Variants in RYR3 observed in about 807,000 individuals in gnomAD.
RYR3 encodes the protein brain ryanodine receptor-calcium release channel.
RYR3 carries 207 observed loss-of-function variants against 584.3 expected under a neutral mutation model. The ratio of observed to expected loss-of-function variants is 0.35; its 90% CI spans 0.32 to 0.40. RYR3 has a LOEUF of 0.40. Among genes scored for constraint, RYR3 ranks in the 10% least tolerant of loss-of-function variants. The pLI, the probability that RYR3 is intolerant of heterozygous loss-of-function variation, is 1.00. For missense variants in RYR3, 5,616 were observed against 6,089.2 expected (o/e 0.92, Z 2.59); for synonymous variants, 2,416 against 2,248.5 (o/e 1.07, Z -2.11).
At chr15:33,561,406 C>T (rs2057392557) in intron 10 of RYR3, among the ~76,000 whole-genome samples, 1 of 152,160 alleles carries the variant, frequency 6.6e-6, no homozygotes, top group Non-Finnish European at 1.5e-5. Context: ...AGTGCAGACT[C>T]TGGAGCTGGA....
chr15:33,563,410 A>G (rs2057522724), intron 11 of RYR3, among the ~76,000 whole-genome samples: 1 of 152,258 alleles, frequency 6.6e-6, no homozygotes, highest in Non-Finnish European at 1.5e-5. Context: ...TGCAGATTGC[A>G]TAATAACAAG....
At chr15:33,778,906 A>G (rs1399665034) in intron 64 of RYR3, among the ~76,000 whole-genome samples, 1 of 152,228 alleles carries the variant, frequency 6.6e-6, no homozygotes, top group Admixed American at 6.5e-5. Context: ...AATGCTTCAT[A>G]GCCAAGTAGG....
rs188980632 is a variant in RYR3, at chr15:33,548,883, C to T, written c.815+679C>T. The stretch of plus-strand genomic sequence containing the variant: ...GGAATGAGAGAGGAGGGTTAAGCAT[C>T]GCCCTCTGATTTTCCTTCTCTGCCT... On this transcript the variant is annotated intron_variant, in intron 9 of 103. Coordinates refer to ENST00000634891, the MANE Select transcript of RYR3 (RefSeq NM_001036.6). 2.0e-4 allele frequency among the ~76,000 whole-genome samples: 30 copies of T among 152,254 alleles called. No individual in the cohort carries two copies. In the South Asian group the frequency reaches 3.7e-3, roughly 19 times the overall value.
At chr15:33,532,459 G>T (rs117849022) in intron 4 of RYR3, among the ~76,000 whole-genome samples, 2,834 of 152,212 alleles carry the variant, frequency 0.019, 45 homozygotes, top group Non-Finnish European at 0.028. Flanking sequence ...TCATTTTTGT[G>T]TAATTCCTTT....
intron 1 of RYR3, among the ~76,000 whole-genome samples, chr15:33,391,355 C>T (rs776367514): frequency 1.3e-5 from 2 of 152,060 alleles, no homozygotes; most frequent in African/African-American, 4.8e-5. Flanking sequence ...GGGCCAGGTG[C>T]GGTGGCTCAC....
intron 70 of RYR3, among the ~76,000 whole-genome samples, chr15:33,809,672 G>A (rs766142375): frequency 3.5e-5 from 5 of 141,860 alleles, no homozygotes; most frequent in African/African-American, 5.3e-5. Context: ...GTCTTGCTCT[G>A]TCACCCACGC....
intron 1 of RYR3, among the ~76,000 whole-genome samples, chr15:33,463,606 T>A: frequency 8.5e-6 from 1 of 117,610 alleles, no homozygotes; most frequent in Non-Finnish European, 2.0e-5. Context: ...CATAACAGCA[T>A]GTTCTGCCTG....
At chr15:33,490,800 T>G (rs2050904602) in intron 2 of RYR3, among the ~76,000 whole-genome samples, 1 of 151,720 alleles carries the variant, frequency 6.6e-6, no homozygotes, top group Non-Finnish European at 1.5e-5. Context: ...TTATGAGAAT[T>G]TTTACAACCT....
At chr15:33,613,765 CCTTT>C (rs367551910) in intron 19 of RYR3, among the ~76,000 whole-genome samples, 54 of 152,278 alleles carry the variant, frequency 3.5e-4, no homozygotes, top group African/African-American at 1.2e-3. Flanking sequence ...TTTTTCAAGT[CCTTT>C]CTTCTACAAA....
intron 69 of RYR3, among the ~76,000 whole-genome samples, chr15:33,803,370 G>A (rs907384339): frequency 3.3e-5 from 5 of 152,258 alleles, no homozygotes; most frequent in Non-Finnish European, 5.9e-5. Context: ...TGATGTAGAC[G>A]AGGTTGAGTT....
chr15:33,667,837 G>A (rs2063569576), intron 36 of RYR3, among the ~76,000 whole-genome samples: 1 of 152,104 alleles, frequency 6.6e-6, no homozygotes, highest in South Asian at 2.1e-4. Context: ...GCCAAGGCAG[G>A]TGGATCACAA....
chr15:33,725,769 C>T (rs1187348010), intron 45 of RYR3, among the ~76,000 whole-genome samples: 1 of 146,402 alleles, frequency 6.8e-6, no homozygotes, highest in Non-Finnish European at 1.5e-5. Flanking sequence ...ACCATGCTGG[C>T]TGACATGATG....
At chr15:33,747,627 G>A (rs2070873790) in intron 53 of RYR3, among the ~76,000 whole-genome samples, 1 of 151,966 alleles carries the variant, frequency 6.6e-6, no homozygotes, top group African/African-American at 2.4e-5. Flanking sequence ...GTTTCACCAT[G>A]TTGTCCAGCC....
chr15:33,528,712 A>G (rs1247353497), intron 3 of RYR3, among the ~76,000 whole-genome samples: 1 of 152,186 alleles, frequency 6.6e-6, no homozygotes, highest in African/African-American at 2.4e-5. Context: ...TGTGTGCCCA[A>G]TGGTAGTAAT....
At chr15:33,766,018 C>T (rs971613522) in intron 60 of RYR3, among the ~76,000 whole-genome samples, 2 of 152,116 alleles carry the variant, frequency 1.3e-5, no homozygotes, top group Non-Finnish European at 2.9e-5. Flanking sequence ...CGGTGGCTCA[C>T]GCTTGTAATC....
rs117989257 is a variant in RYR3, at chr15:33,626,912, C to T, written c.2575-1559C>T. 3.4e-3 allele frequency among the ~76,000 whole-genome samples: 512 copies of T among 152,110 alleles called. 3 individuals are homozygous for T. Among genetic ancestry groups the T allele is most frequent in the Middle Eastern group, 0.01 (3 of 294 alleles). ...GATGTCCAAGCAGAAGTTTGCTAAA[C>T]GGGTGGGGTCCTCATGGAGAACTTC... On this transcript the variant is annotated intron_variant, in intron 20 of 103. Transcript: ENST00000634891.
intron 3 of RYR3, among the ~76,000 whole-genome samples, chr15:33,506,621 T>C (rs1184499894): frequency 6.6e-6 from 1 of 152,158 alleles, no homozygotes; most frequent in Non-Finnish European, 1.5e-5. Flanking sequence ...GATGGGAAGG[T>C]ACTTTTTTCA....
intron 43 of RYR3, among the ~76,000 whole-genome samples, chr15:33,710,182 C>T (rs1371163099): frequency 1.3e-5 from 2 of 152,138 alleles, no homozygotes; most frequent in Non-Finnish European, 2.9e-5. Context: ...CACAGTACTG[C>T]AGGCTTTATA....
intron 1 of RYR3, among the ~76,000 whole-genome samples, chr15:33,403,492 C>A (rs2042820542): frequency 6.6e-6 from 1 of 152,112 alleles, no homozygotes; most frequent in Admixed American, 6.5e-5. Flanking sequence ...GTCAATAGTA[C>A]ATTTTTCCAG....
Sources: gnomAD v4.1 joint callset for allele counts (sites outside exome capture counted in the v4.1 genomes callset) on GRCh38, gnomAD v4.1.1 for gene constraint, MANE v1.5 for transcripts, NCBI Gene and HGNC (gene_info 2026-07-23, HGNC 2026-07-21) for gene names.